Variants in TAFA5 observed in about 807,000 individuals in gnomAD.
TAFA5 encodes TAFA chemokine like family member 5.
In TAFA5, 6 loss-of-function variants were observed where a neutral mutation model predicts 15.3. The ratio of observed to expected loss-of-function variants is 0.39; its 90% CI spans 0.21 to 0.77. The LOEUF (loss-of-function observed/expected upper bound fraction) is 0.77, where lower values mean the gene tolerates loss of function less well. Among genes scored for constraint, TAFA5 ranks in the 30% least tolerant of loss-of-function variants. TAFA5 has a pLI of 0.41. For synonymous variants in TAFA5, 103 were observed against 80.7 expected, an observed-to-expected ratio of 1.28 and a Z score of -1.48; for missense variants, 161 against 193.1, an observed-to-expected ratio of 0.83 and a Z score of 0.98.
intron 1 of TAFA5, among the ~76,000 whole-genome samples, chr22:48,599,425 A>G (rs974759198): frequency 2.0e-5 from 3 of 152,240 alleles, no homozygotes; most frequent in African/African-American, 7.2e-5. Flanking sequence ...ATTGGGTGCC[A>G]TGGGCAGGTT....
intron 2 of TAFA5, among the ~76,000 whole-genome samples, chr22:48,660,853 A>C (rs6587323): frequency 6.6e-6 from 1 of 151,872 alleles, no homozygotes; most frequent in East Asian, 2.0e-4. Flanking sequence ...AGACACTCTC[A>C]GAGCTCCTGG....
chr22:48,684,681 G>A (rs1241362743), intron 2 of TAFA5, among the ~76,000 whole-genome samples: 1 of 152,234 alleles, frequency 6.6e-6, no homozygotes, highest in Non-Finnish European at 1.5e-5. Flanking sequence ...AGCTGGGACA[G>A]GCAAGTGCCC....
chr22:48,562,612 C>A (rs1422744558), intron 1 of TAFA5, among the ~76,000 whole-genome samples: 1 of 152,148 alleles, frequency 6.6e-6, no homozygotes, highest in African/African-American at 2.4e-5. Context: ...CCTGTGGGGA[C>A]CCCCGGGGCC....
chr22:48,609,638 C>T (rs565191437), intron 1 of TAFA5, among the ~76,000 whole-genome samples: 1 of 152,252 alleles, frequency 6.6e-6, no homozygotes, highest in East Asian at 1.9e-4. Flanking sequence ...GCTCACAGAC[C>T]TGAGGATGGT....
intron 1 of TAFA5, among the ~76,000 whole-genome samples, chr22:48,639,294 G>A (rs1926590174): frequency 6.6e-6 from 1 of 152,350 alleles, no homozygotes; most frequent in South Asian, 2.1e-4. Flanking sequence ...GGCCTGCGGG[G>A]CCCCTCAGCT....
intron 2 of TAFA5, among the ~76,000 whole-genome samples, chr22:48,676,927 G>A (rs534094590): frequency 7.0e-4 from 106 of 152,300 alleles, no homozygotes; most frequent in African/African-American, 2.5e-3. Context: ...GTTAGGGTGG[G>A]GGTCACCTTT....
At chr22:48,683,568 G>A (rs6010584) in intron 2 of TAFA5, among the ~76,000 whole-genome samples, 12,709 of 152,258 alleles carry the variant, frequency 0.083, 805 homozygotes, top group African/African-American at 0.17. Flanking sequence ...CCGTGCACTC[G>A]CTGGTTCCTC....
intron 3 of TAFA5, among the ~76,000 whole-genome samples, chr22:48,713,615 A>G (rs1399115366): frequency 6.6e-6 from 1 of 152,188 alleles, no homozygotes; most frequent in Non-Finnish European, 1.5e-5. Context: ...TCGTGGTTCG[A>G]GAGCTCTCCC....
chr22:48,685,507 A>G (rs904066721), intron 2 of TAFA5, among the ~76,000 whole-genome samples: 2 of 152,162 alleles, frequency 1.3e-5, no homozygotes, highest in African/African-American at 4.8e-5. Context: ...GCTGCACCAG[A>G]GTCAGGTTGG....
chr22:48,682,427 C>T (rs12484119), intron 2 of TAFA5, among the ~76,000 whole-genome samples: 9 of 152,226 alleles, frequency 5.9e-5, no homozygotes, highest in African/African-American at 2.2e-4. Context: ...CCTGAAGTTG[C>T]TAGTGATGTT....
chr22:48,671,368 A>T (rs1927799572), intron 2 of TAFA5, among the ~76,000 whole-genome samples: 1 of 152,148 alleles, frequency 6.6e-6, no homozygotes, highest in African/African-American at 2.4e-5. Context: ...GGCATTTCTG[A>T]CATCTGGGGT....
chr22:48,725,799 G>T (rs6010493), intron 3 of TAFA5, among the ~76,000 whole-genome samples: 13,568 of 151,530 alleles, frequency 0.09, 746 homozygotes, highest in African/African-American at 0.14. Flanking sequence ...GACAGAGGAT[G>T]AATATCTAAC....
At chr22:48,512,020 A>G (rs887999853) in intron 1 of TAFA5, among the ~76,000 whole-genome samples, 2 of 152,170 alleles carry the variant, frequency 1.3e-5, no homozygotes, top group Non-Finnish European at 2.9e-5. Context: ...AGGGAGGGCC[A>G]CCAGAAGCTG....
intron 2 of TAFA5, among the ~76,000 whole-genome samples, chr22:48,650,328 T>C (rs1010668802): frequency 2.0e-5 from 3 of 152,156 alleles, no homozygotes; most frequent in African/African-American, 7.2e-5. Flanking sequence ...ATTTGCTCAC[T>C]CACTCATCTG....
intron 1 of TAFA5, among the ~76,000 whole-genome samples, chr22:48,624,198 A>C (rs1116488): frequency 0.8 from 122,002 of 152,170 alleles, 49,420 homozygotes; most frequent in East Asian, 0.93. Flanking sequence ...CATGATTAGA[A>C]TCGGGCTGTG....
At chr22:48,726,708 A>G (rs763978346) in intron 3 of TAFA5, among the ~76,000 whole-genome samples, 14 of 152,326 alleles carry the variant, frequency 9.2e-5, no homozygotes, top group South Asian at 4.1e-4. Context: ...TCTATACGGG[A>G]GAATCACTGG....
At chr22:48,732,577 A>G (rs539460180) in intron 3 of TAFA5, among the ~76,000 whole-genome samples, 61 of 152,242 alleles carry the variant, frequency 4.0e-4, no homozygotes, top group African/African-American at 1.4e-3. Flanking sequence ...TTTGACATGG[A>G]ATCTGCCCCT....
At chr22:48,606,368 A>G (rs925057735) in intron 1 of TAFA5, among the ~76,000 whole-genome samples, 1 of 152,218 alleles carries the variant, frequency 6.6e-6, no homozygotes, top group African/African-American at 2.4e-5. Context: ...TTCCACAAGC[A>G]GAGAAAATTC....
At position 48,749,875 on chromosome 22, in the gene TAFA5, A is replaced by G; in HGVS notation, c.*28A>G. 1 of 1,553,230 alleles carries G rather than the reference A, an allele frequency of 6.4e-7. No individual in the cohort carries two copies. The highest frequency in any genetic ancestry group is 8.7e-7 in the Non-Finnish European group (1 of 1,147,724). ...AACACAGCCCCTGAGGGGCCCCGGG[A>G]GTGGCCTTGGCTCCCTGGAGAGCCC... On this transcript the variant is annotated 3_prime_UTR_variant, in exon 4 of 4. Coordinates refer to ENST00000402357, the MANE Select transcript of TAFA5 (RefSeq NM_001082967.3).
Sources: gnomAD v4.1 joint callset for allele counts (sites outside exome capture counted in the v4.1 genomes callset) on GRCh38, gnomAD v4.1.1 for gene constraint, MANE v1.5 for transcripts, NCBI Gene and HGNC (gene_info 2026-07-23, HGNC 2026-07-21) for gene names.